The following AGBL4 variants were observed in gnomAD, a reference collection of about 807,000 sequenced individuals.
AGBL4 encodes AGBL carboxypeptidase 4.
In AGBL4, 58 loss-of-function variants were observed where a neutral mutation model predicts 66.4. The ratio of observed to expected loss-of-function variants is 0.87; its 90% CI spans 0.71 to 1.09. AGBL4 has a LOEUF of 1.09. AGBL4 is among the 50% of genes least tolerant of loss of function. The pLI, the probability that AGBL4 is intolerant of heterozygous loss-of-function variation, is 0.00. For synonymous variants in AGBL4, 234 were observed against 222.9 expected (o/e 1.05, Z -0.44); for missense variants, 579 against 631.0 (o/e 0.92, Z 0.88).
rs546028372 is a variant in AGBL4, at chr1:49,928,528, C to T, written c.35-77010G>A. Among the ~76,000 whole-genome samples, 4 of 152,152 alleles carry T rather than the reference C, an allele frequency of 2.6e-5. No individual in the cohort carries two copies. The East Asian group carries it at 5.8e-4, about 22-fold the overall frequency. ...CCTCCCAAAGTGCTGAGATTACAGG[C>T]GTGAGCCACCGCACCCGGGCTGAAG... On this transcript the variant is annotated intron_variant, in intron 1 of 13. Coordinates refer to ENST00000371839, the MANE Select transcript of AGBL4 (RefSeq NM_032785.4).
At chr1:49,872,589 T>A (rs2148115068) in intron 1 of AGBL4, among the ~76,000 whole-genome samples, 1 of 152,238 alleles carries the variant, frequency 6.6e-6, no homozygotes, top group Middle Eastern at 3.4e-3. Context: ...CACACAGGTA[T>A]CTGCAGGCAC....
chr1:49,282,969 T>A (rs1435321985), intron 3 of AGBL4, among the ~76,000 whole-genome samples: 3 of 152,212 alleles, frequency 2.0e-5, no homozygotes. Context: ...TGCCCAGGCT[T>A]GCTTAGGTAA....
intron 11 of AGBL4, among the ~76,000 whole-genome samples, chr1:48,562,843 T>TA (rs1321728519): frequency 2.0e-5 from 3 of 152,186 alleles, no homozygotes; most frequent in Non-Finnish European, 4.4e-5. Context: ...ATAATTTGTG[T>TA]AAAATGTTAA....
intron 9 of AGBL4, among the ~76,000 whole-genome samples, chr1:48,630,340 C>T (rs528589064): frequency 6.6e-6 from 1 of 152,262 alleles, no homozygotes; most frequent in East Asian, 1.9e-4. Context: ...ATTCCAGAAG[C>T]CTTCCAGTGC....
intron 4 of AGBL4, among the ~76,000 whole-genome samples, chr1:49,172,629 C>A (rs1369725251): frequency 6.6e-6 from 1 of 152,078 alleles, no homozygotes; most frequent in Non-Finnish European, 1.5e-5. Flanking sequence ...AGGTAGGATC[C>A]TATACCATGT....
intron 4 of AGBL4, among the ~76,000 whole-genome samples, chr1:49,059,323 C>T (rs1183886990): frequency 6.6e-6 from 1 of 152,228 alleles, no homozygotes; most frequent in Admixed American, 6.5e-5. Flanking sequence ...AAGCTCCAAA[C>T]CTGGGCAGCT....
intron 1 of AGBL4, among the ~76,000 whole-genome samples, chr1:49,923,757 CAAT>C (rs2148246342): frequency 6.6e-6 from 1 of 152,190 alleles, no homozygotes; most frequent in South Asian, 2.1e-4. Flanking sequence ...ATCAAAACCA[CAAT>C]GAGATACCAT....
At chr1:48,581,417 G>A (rs1046230579) in intron 11 of AGBL4, among the ~76,000 whole-genome samples, 1 of 152,156 alleles carries the variant, frequency 6.6e-6, no homozygotes, top group African/African-American at 2.4e-5. Flanking sequence ...GTCTGCTCAG[G>A]ACCCAAGGTC....
chr1:48,722,868 G>T (rs1647174339), intron 6 of AGBL4, among the ~76,000 whole-genome samples: 1 of 152,160 alleles, frequency 6.6e-6, no homozygotes, highest in Non-Finnish European at 1.5e-5. Context: ...AACCAGGATG[G>T]TCACAGTTCT....
At chr1:49,259,050 C>G (rs1411341389) in intron 3 of AGBL4, among the ~76,000 whole-genome samples, 1 of 152,006 alleles carries the variant, frequency 6.6e-6, no homozygotes, top group Non-Finnish European at 1.5e-5. Flanking sequence ...CATATCCAGC[C>G]AAACTAAGAT....
rs1290763468 is a variant in AGBL4, at chr1:49,663,246, C to T, written c.282+34067G>A. Among the ~76,000 whole-genome samples the T allele has an allele frequency of 2.6e-5, 4 of 152,074 alleles. No homozygotes were observed. In the East Asian group the frequency reaches 7.7e-4, roughly 29 times the overall value. ...TGTCCACCAAAATTTTGTTTCCTTC[C>T]CATAGCACAGAGTTTTTGCTGCACA... On this transcript the variant is annotated intron_variant, in intron 3 of 13. Transcript: ENST00000371839.
chr1:49,999,850 G>A (rs1660621255), intron 1 of AGBL4, among the ~76,000 whole-genome samples: 1 of 152,174 alleles, frequency 6.6e-6, no homozygotes, highest in African/African-American at 2.4e-5. Context: ...AAATAGTGCT[G>A]GGATAATTCG....
chr1:48,886,126 CT>C (rs1286099788), intron 5 of AGBL4, among the ~76,000 whole-genome samples: 2 of 152,132 alleles, frequency 1.3e-5, no homozygotes, highest in African/African-American at 4.8e-5. Context: ...AGAGCCCTGC[CT>C]GAGGAGGTGG....
chr1:48,767,619 G>A (rs1365609964), intron 6 of AGBL4, among the ~76,000 whole-genome samples: 1 of 152,154 alleles, frequency 6.6e-6, no homozygotes, highest in African/African-American at 2.4e-5. Context: ...ATGTGACTTT[G>A]GGATATGCTT....
intron 4 of AGBL4, among the ~76,000 whole-genome samples, chr1:49,103,546 A>G (rs546448904): frequency 6.6e-6 from 1 of 152,328 alleles, no homozygotes; most frequent in South Asian, 2.1e-4. Flanking sequence ...CTGAAGTTCT[A>G]TGACACGCTG....
chr1:49,636,768 T>C (rs1001834174), intron 3 of AGBL4, among the ~76,000 whole-genome samples: 4 of 152,148 alleles, frequency 2.6e-5, no homozygotes, highest in Non-Finnish European at 5.9e-5. Context: ...AGGATACTAG[T>C]GATGTTTTAT....
At chr1:49,230,369 G>A (rs1052201450) in intron 4 of AGBL4, among the ~76,000 whole-genome samples, 2 of 152,056 alleles carry the variant, frequency 1.3e-5, no homozygotes, top group Non-Finnish European at 2.9e-5. Flanking sequence ...ACACCCAAAT[G>A]CCCTCTCAAG....
intron 3 of AGBL4, among the ~76,000 whole-genome samples, chr1:49,252,405 T>C (rs1325192117): frequency 6.6e-6 from 1 of 152,046 alleles, no homozygotes; most frequent in South Asian, 2.1e-4. Flanking sequence ...AGACATGGGA[T>C]TACGTAAAGA....
chr1:49,494,968 T>C (rs1647405641), intron 3 of AGBL4, among the ~76,000 whole-genome samples: 1 of 152,100 alleles, frequency 6.6e-6, no homozygotes, highest in Admixed American at 6.6e-5. Flanking sequence ...TTTAATATAC[T>C]TTAATTGTCA....
Sources: allele counts gnomAD v4.1 joint callset (sites outside exome capture counted in the v4.1 genomes callset), GRCh38; gene constraint gnomAD v4.1.1; transcripts MANE v1.5; gene names NCBI Gene and HGNC (gene_info 2026-07-23, HGNC 2026-07-21).